Variants in COL14A1 observed in about 807,000 individuals in gnomAD.
COL14A1 encodes collagen type XIV alpha 1 chain, also known as collagen alpha-1(XIV) chain.
COL14A1 carries 136 observed loss-of-function variants against 230.3 expected under a neutral mutation model. That is an observed-to-expected ratio of 0.59 (90% CI 0.51 to 0.68). The LOEUF (loss-of-function observed/expected upper bound fraction) is 0.68. COL14A1 is among the 30% of genes least tolerant of loss of function. The pLI, the probability that COL14A1 is intolerant of heterozygous loss-of-function variation, is 0.00. For synonymous variants in COL14A1, 792 were observed against 784.1 expected (o/e 1.01, Z -0.17); for missense variants, 1,976 against 2,215.8 (o/e 0.89, Z 2.17).
chr8:120,353,684 CA>C (rs1384798083), intron 45 of COL14A1, among the ~76,000 whole-genome samples: 3 of 149,894 alleles, frequency 2.0e-5, no homozygotes, highest in African/African-American at 4.9e-5. Context: ...ATCAAAACCA[CA>C]ATGAGATACC....
rs1437006519 is a variant in COL14A1 at position 120,203,768 on chromosome 8, CAT to C, written c.938_939del (p.His313ArgfsTer24). On this transcript the variant is annotated frameshift_variant, in exon 9 of 48. Coordinates refer to ENST00000297848, the MANE Select transcript of COL14A1 (RefSeq NM_021110.4). LOFTEE classifies it high-confidence loss of function. ...GATCGCCTCTGAACCAGACAGCACT[CAT>C]GTGTACAATGTTGCCGAATTCGATC... ...QEIASEPDST[H>X]VYNVAEFDLM... is the part of the protein sequence containing the mutation. 2.5e-6 allele frequency: 4 copies of C among 1,613,896 alleles called. No homozygotes were observed. Among genetic ancestry groups the C allele is most frequent in the African/African-American group, 1.3e-5 (1 of 75,010 alleles).
intron 34 of COL14A1, among the ~76,000 whole-genome samples, chr8:120,296,369 T>C (rs1820532112): frequency 6.6e-6 from 1 of 152,026 alleles, no homozygotes; most frequent in African/African-American, 2.4e-5. Flanking sequence ...CCCGATTTCA[T>C]TCTGCTTACT....
chr8:120,182,183 A>G (rs1303882920), intron 5 of COL14A1, among the ~76,000 whole-genome samples: 2 of 152,212 alleles, frequency 1.3e-5, no homozygotes, highest in African/African-American at 4.8e-5. Context: ...AAGTTTTCAA[A>G]TGTCTTCATT....
chr8:120,306,127 T>C (rs1354325565), intron 36 of COL14A1, among the ~76,000 whole-genome samples: 1 of 152,224 alleles, frequency 6.6e-6, no homozygotes, highest in African/African-American at 2.4e-5. Context: ...TTCACATGTA[T>C]ACTATAGTTT....
intron 36 of COL14A1, among the ~76,000 whole-genome samples, chr8:120,308,810 T>C (rs1171992451): frequency 1.3e-5 from 2 of 152,212 alleles, no homozygotes; most frequent in Non-Finnish European, 2.9e-5. Flanking sequence ...TTTTCAATGA[T>C]TTTTCAATCC....
chr8:120,169,110 C>T (rs1816018296), intron 5 of COL14A1, among the ~76,000 whole-genome samples: 1 of 152,156 alleles, frequency 6.6e-6, no homozygotes. Context: ...CCTTCCTCTA[C>T]CTCCCAAGGT....
intron 20 of COL14A1, among the ~76,000 whole-genome samples, 179 bp from the exon 21 acceptor site, chr8:120,247,434 A>AC (rs1818799907): frequency 6.6e-6 from 1 of 150,912 alleles, no homozygotes; most frequent in Admixed American, 6.6e-5. Context: ...AAAAAGAAAA[A>AC]AAAAAATTGA....
At position 120,334,585 on chromosome 8, in the gene COL14A1, AAC is replaced by A. The variant is rs3054171; in HGVS notation, c.4785+1883_4785+1884del. Among the ~76,000 whole-genome samples, 801 of 144,784 alleles carry A rather than the reference AAC, an allele frequency of 5.5e-3. 9 individuals are homozygous for A. The highest frequency in any genetic ancestry group is 0.019 in the African/African-American group (740 of 39,212). 95.0% of individuals were successfully genotyped at this position (144,784 alleles called of 152,430 possible). ...AAAAATGCATGCGTTCACACACAAA[AAC>A]ACACACACACACACACACACACACA... On this transcript the variant is annotated intron_variant, in intron 42 of 47. Coordinates refer to ENST00000297848, the MANE Select transcript of COL14A1 (RefSeq NM_021110.4).
At chr8:120,153,759 CA>C (rs1815370561) in intron 2 of COL14A1, among the ~76,000 whole-genome samples, 1 of 152,092 alleles carries the variant, frequency 6.6e-6, no homozygotes, top group Admixed American at 6.5e-5. Flanking sequence ...CTCATATAAT[CA>C]AAGTAAAAGT....
At chr8:120,237,655 TG>T (rs1563689460) in intron 19 of COL14A1, among the ~76,000 whole-genome samples, 1 of 152,242 alleles carries the variant, frequency 6.6e-6, no homozygotes, top group Non-Finnish European at 1.5e-5. Context: ...GTTCTCTTGC[TG>T]GCGAGGAGTT....
At chr8:120,212,989 G>A (rs887699548) in intron 13 of COL14A1, among the ~76,000 whole-genome samples, 1 of 151,996 alleles carries the variant, frequency 6.6e-6, no homozygotes, top group Non-Finnish European at 1.5e-5. Context: ...GCATGTGGTT[G>A]GTATAAGATT....
chr8:120,309,035 C>T (rs945999078), intron 36 of COL14A1, among the ~76,000 whole-genome samples: 1 of 152,132 alleles, frequency 6.6e-6, no homozygotes, highest in African/African-American at 2.4e-5. Flanking sequence ...CCCAGGTTCA[C>T]GCCATTCTCC....
chr8:120,168,268 A>G, intron 5 of COL14A1, 21 bp downstream of exon 5: 1 of 1,558,866 alleles, frequency 6.4e-7, no homozygotes. Flanking sequence ...ATTTTAATTA[A>G]CTCATATTGG....
intron 1 of COL14A1, among the ~76,000 whole-genome samples, chr8:120,146,293 C>T (rs1157710003): frequency 6.6e-6 from 1 of 152,022 alleles, no homozygotes; most frequent in Non-Finnish European, 1.5e-5. Flanking sequence ...ACTCAGCTTT[C>T]GGTATCAGAA....
At chr8:120,184,408 C>T (rs562791794) in intron 5 of COL14A1, among the ~76,000 whole-genome samples, 1 of 151,932 alleles carries the variant, frequency 6.6e-6, no homozygotes, top group Non-Finnish European at 1.5e-5. Flanking sequence ...GTGTACATCA[C>T]TACACCTGGC....
At chr8:120,273,944 A>T (rs1464501414) in intron 26 of COL14A1, among the ~76,000 whole-genome samples, 2 of 151,700 alleles carry the variant, frequency 1.3e-5, no homozygotes, top group Non-Finnish European at 3.0e-5. Flanking sequence ...CTAATATTCT[A>T]AAAGATTAGA....
chr8:120,178,897 A>G (rs1298319269), intron 5 of COL14A1, among the ~76,000 whole-genome samples: 1 of 150,560 alleles, frequency 6.6e-6, no homozygotes, highest in Non-Finnish European at 1.5e-5. Flanking sequence ...GTCTGTTTAT[A>G]TCCTTCTCCC....
chr8:120,333,889 A>G (rs1821956571), intron 42 of COL14A1, among the ~76,000 whole-genome samples: 1 of 152,192 alleles, frequency 6.6e-6, no homozygotes, highest in Non-Finnish European at 1.5e-5. Context: ...CAGCCAGGAA[A>G]GGTTCTCTTC....
intron 5 of COL14A1, 79 bp downstream of exon 5, chr8:120,168,326 C>G: frequency 3.0e-6 from 3 of 998,284 alleles, no homozygotes; most frequent in Non-Finnish European, 4.6e-6. Context: ...TGTGGGGTTG[C>G]TGGTCCCATC....
Sources: allele counts gnomAD v4.1 joint callset (sites outside exome capture counted in the v4.1 genomes callset), GRCh38; gene constraint gnomAD v4.1.1; transcripts MANE v1.5; gene names NCBI Gene and HGNC (gene_info 2026-07-23, HGNC 2026-07-21).